ACSM3: variants seen among roughly 807,000 people sequenced by gnomAD.
ACSM3 encodes acyl-CoA synthetase medium chain family member 3, also known as acyl-coenzyme A synthetase ACSM3, mitochondrial.
In ACSM3, 61 loss-of-function variants were observed where a neutral mutation model predicts 74.1. The ratio of observed to expected loss-of-function variants is 0.82; its 90% confidence interval spans 0.67 to 1.02. The LOEUF (loss-of-function observed/expected upper bound fraction) is 1.02. Among genes scored for constraint, ACSM3 ranks in the 50% least tolerant of loss-of-function variants. ACSM3 has a pLI of 0.00. For missense variants in ACSM3, 660 were observed against 697.0 expected, an observed-to-expected ratio of 0.95 and a Z score of 0.60; for synonymous variants, 213 against 241.5, an observed-to-expected ratio of 0.88 and a Z score of 1.09.
chr16:20,756,006 A>G (rs1040049299), intron 3 of ACSM3, among the ~76,000 whole-genome samples: 5 of 152,038 alleles, frequency 3.3e-5, no homozygotes, highest in African/African-American at 7.3e-5. Flanking sequence ...GTATATATGT[A>G]CCACATTTTC....
chr16:20,790,922 AGGAAG>A lies in ACSM3; in HGVS notation c.1326+238_1326+242del, dbSNP rs1567363002. ...ACTGTTCCAGGTCCACGAAGGCAAG[AGGAAG>A]GGACCCTAGAAAGAGGACAGCCTCT... On this transcript the variant is annotated intron_variant, in intron 10 of 13. Transcript: ENST00000289416. This position sits in a 1 kb window ranked among gnomAD's most constrained non-coding sequence, Gnocchi z 4.0. 4 of 1,614,012 alleles carry A rather than the reference AGGAAG, an allele frequency of 2.5e-6. No homozygotes were observed.
chr16:20,785,035 C>T lies in ACSM3; in HGVS notation c.1071C>T (p.Thr357=). The part of the protein sequence containing the change: ...KHCVSAGEPI[T]PDVTEKWRNK... ...GTGTGAGTGCTGGGGAACCAATTAC[C>T]CCTGACGTGACTGAAAAATGGAGAA... Residue 357 remains threonine (T), a synonymous_variant, in exon 8 of 14, where the codon ACC becomes ACT. Transcript: ENST00000289416. 1 of 1,613,650 alleles carries T rather than the reference C, an allele frequency of 6.2e-7. No individual in the cohort carries two copies. Among genetic ancestry groups the T allele is most frequent in the Non-Finnish European group, 8.5e-7 (1 of 1,179,732 alleles).
At chr16:20,694,955 G>C (rs1285501327) in intron 1 of ACSM3, among the ~76,000 whole-genome samples, 1 of 152,114 alleles carries the variant, frequency 6.6e-6, no homozygotes, top group Admixed American at 6.5e-5. Flanking sequence ...CCTGATCTTG[G>C]ACCTCCAGCC....
At chr16:20,734,931 G>A (rs1298557479) in intron 1 of ACSM3, 2 of 152,210 alleles carry the variant, frequency 1.3e-5, no homozygotes, top group Non-Finnish European at 2.9e-5. Context: ...ATATACTAGT[G>A]CTGGGAAAAG....
At chr16:20,710,716 T>C (rs112929969) in intron 1 of ACSM3, among the ~76,000 whole-genome samples, 32 of 152,214 alleles carry the variant, frequency 2.1e-4, no homozygotes, top group South Asian at 1.2e-3. Flanking sequence ...TTGGAGACCA[T>C]TGGTTTAGAG....
intron 1 of ACSM3, chr16:20,731,688 G>A (rs1224272162): frequency 2.5e-6 from 1 of 407,582 alleles, no homozygotes; most frequent in South Asian, 4.6e-5. Flanking sequence ...TAACTCTTGA[G>A]CTTCAGGATC....
intron 1 of ACSM3, chr16:20,703,226 T>C (rs1295612027): frequency 1.3e-5 from 2 of 152,250 alleles, no homozygotes; most frequent in Non-Finnish European, 2.9e-5. Flanking sequence ...CCTTGTAGTA[T>C]AGTTTGAAGT....
chr16:20,765,766 C>T (rs1000344588), intron 1 of ACSM3, among the ~76,000 whole-genome samples: 1 of 152,140 alleles, frequency 6.6e-6, no homozygotes, highest in Non-Finnish European at 1.5e-5. Context: ...TTTGTGTATA[C>T]TTCCTTGTCT....
At chr16:20,737,143 C>G in intron 1 of ACSM3, 1 of 1,614,222 alleles carries the variant, frequency 6.2e-7, no homozygotes, top group Non-Finnish European at 8.5e-7. Context: ...CTCTTCACCA[C>G]CTCCTGGAGA....
Position 20,781,598 on chromosome 16 carries a change from G to A in ACSM3, c.940-110G>A. The A allele has an allele frequency of 4.7e-6, 4 of 849,572 alleles. No individual in the cohort carries two copies. The South Asian group carries it at 5.7e-5, about 12-fold the overall frequency. The allele number at this position is 849,572 out of a possible 1,614,324, so 52.6% of individuals were successfully genotyped here. On this transcript the variant is annotated intron_variant, in intron 6 of 13. Coordinates refer to ENST00000289416, the MANE Select transcript of ACSM3 (RefSeq NM_005622.4). Reference sequence around the variant, plus strand: ...TGATTCTACAAGAAAAGGTAAGAATGTATTTACATTAACATAAACAATGTT... The same window carrying A: ...TGATTCTACAAGAAAAGGTAAGAATATATTTACATTAACATAAACAATGTT...
chr16:20,796,935 G>T lies in ACSM3; in HGVS notation c.1724G>T (p.Arg575Ile). The T allele has an allele frequency of 6.2e-7, 1 of 1,612,906 alleles. No homozygotes were observed. Among genetic ancestry groups the T allele is most frequent in the Non-Finnish European group, 8.5e-7 (1 of 1,179,466 alleles). The change falls in exon 14 of 14, where the codon AGA (arginine) becomes ATA (isoleucine). Residue 575 changes from arginine to isoleucine, a missense_variant. Physicochemically the swap from Arg to Ile is moderately conservative, Grantham distance 97. Coordinates refer to ENST00000289416, the MANE Select transcript of ACSM3 (RefSeq NM_005622.4). Reference protein sequence around the residue: ...LPKTISGKTKRNELRKKEWKT... With the variant: ...LPKTISGKTKINELRKKEWKT... ...AAGACTATCAGTGGGAAGACAAAAA[G>T]AAATGAACTGAGGAAGAAAGAATGG...
Position 20,718,584 on chromosome 16 carries a change from TATAAG to T in ACSM3, c.-189-31322_-189-31318del, listed in dbSNP as rs569766684. The T allele has an allele frequency of 1.1e-3, 248 of 218,582 alleles. 2 individuals carry two copies. Among genetic ancestry groups the T allele is most frequent in the African/African-American group, 5.3e-3 (230 of 43,634 alleles). The allele number at this position is 218,582 out of a possible 1,614,324, so 13.5% of individuals were successfully genotyped here. A position where few individuals can be genotyped will look rare whatever the true frequency, so the allele number is the denominator to read the frequency against. On this transcript the variant is annotated intron_variant, in intron 1 of 3. Coordinates refer to the ACSM3 transcript ENST00000561584. ...TAATCGATACTTCTCCTTGAATTGC[TATAAG>T]ATATTGCCAATTAATTGCTACCAAA... is the stretch of plus-strand genomic sequence containing the variant.
chr16:20,741,365 G>T (rs771332906), intron 1 of ACSM3: 3 of 1,049,796 alleles, frequency 2.9e-6, no homozygotes, highest in East Asian at 2.6e-5. Context: ...GACTAGGGAC[G>T]GAAACGCCGG....
At chr16:20,731,165 C>T (rs2079828205) in intron 1 of ACSM3, among the ~76,000 whole-genome samples, 1 of 152,156 alleles carries the variant, frequency 6.6e-6, no homozygotes, top group Non-Finnish European at 1.5e-5. Flanking sequence ...TACACTCAGC[C>T]CCTTCCTGAG....
upstream of ACSM3, among the ~76,000 whole-genome samples, chr16:20,762,454 T>C (rs2080085479): frequency 6.6e-6 from 1 of 151,952 alleles, no homozygotes; most frequent in African/African-American, 2.4e-5. Context: ...GAAACTATCA[T>C]AAAAGATCTA....
rs762065087 is a variant in ACSM3 at position 20,790,913 on chromosome 16, G to A, written c.1326+225G>A. The A allele has an allele frequency of 8.7e-6, 14 of 1,613,906 alleles. No homozygotes were observed. Among genetic ancestry groups the A allele is most frequent in the Middle Eastern group, 1.6e-4 (1 of 6,082 alleles). On this transcript the variant is annotated intron_variant, in intron 10 of 13. Coordinates refer to ENST00000289416, the MANE Select transcript of ACSM3 (RefSeq NM_005622.4). This position sits in a 1 kb window ranked among gnomAD's most constrained non-coding sequence, Gnocchi z 4.0. ...GGCCAGATCACTGTTCCAGGTCCAC[G>A]AAGGCAAGAGGAAGGGACCCTAGAA...
chr16:20,724,634 T>C (rs1409024691), intron 1 of ACSM3, among the ~76,000 whole-genome samples: 2 of 152,152 alleles, frequency 1.3e-5, no homozygotes, highest in African/African-American at 2.4e-5. Flanking sequence ...GAAAACCCCA[T>C]CGTCTCAGCC....
intron 1 of ACSM3, among the ~76,000 whole-genome samples, chr16:20,707,047 T>C (rs978968013): frequency 6.6e-6 from 1 of 152,078 alleles, no homozygotes; most frequent in African/African-American, 2.4e-5. Context: ...TTCAGTCACA[T>C]TGCAAATCCT....
chr16:20,763,249 A>T (rs1258020473), upstream of ACSM3, among the ~76,000 whole-genome samples: 1 of 152,268 alleles, frequency 6.6e-6, no homozygotes, highest in Non-Finnish European at 1.5e-5. Context: ...AGATGTAAAA[A>T]GTTAAAAAAT....
Sources: allele counts gnomAD v4.1 joint callset (sites outside exome capture counted in the v4.1 genomes callset), GRCh38; gene constraint gnomAD v4.1.1; non-coding constraint Gnocchi (gnomAD v3.1); transcripts MANE v1.5; gene names NCBI Gene and HGNC (gene_info 2026-07-23, HGNC 2026-07-21).